CNST: variants seen among roughly 807,000 people sequenced by gnomAD.
The protein encoded by CNST is consortin, connexin sorting protein.
CNST carries 39 observed loss-of-function variants against 72.4 expected under a neutral mutation model. That is an observed-to-expected ratio of 0.54 (90% CI 0.42 to 0.70). The LOEUF (loss-of-function observed/expected upper bound fraction) is 0.70. CNST is among the 30% of genes least tolerant of loss of function. The probability of loss-of-function intolerance (pLI) is 0.00; values close to 1 mark genes in which losing one functional copy is unlikely to be tolerated. For missense variants in CNST, 871 were observed against 868.5 expected, an observed-to-expected ratio of 1.00 and a Z score of -0.04; for synonymous variants, 332 against 320.1, an observed-to-expected ratio of 1.04 and a Z score of -0.40.
intron 8 of CNST, among the ~76,000 whole-genome samples, chr1:246,645,248 T>C (rs906482369): frequency 6.6e-6 from 1 of 151,762 alleles, no homozygotes; most frequent in Non-Finnish European, 1.5e-5. Context: ...TGTCAGTTGG[T>C]GATTAGTATT....
intron 1 of CNST, among the ~76,000 whole-genome samples, chr1:246,571,722 C>G (rs1370680654): frequency 6.6e-6 from 1 of 151,876 alleles, no homozygotes; most frequent in African/African-American, 2.4e-5. Context: ...ACTATGTTGC[C>G]CAGATTAGCC....
intron 6 of CNST, among the ~76,000 whole-genome samples, chr1:246,640,503 A>C (rs1367124792): frequency 6.6e-6 from 1 of 152,220 alleles, no homozygotes; most frequent in Non-Finnish European, 1.5e-5. Context: ...AAAATTCCTT[A>C]TTCAGAGATC....
At chr1:246,651,726 C>T (rs1456012169) in intron 9 of CNST, among the ~76,000 whole-genome samples, 3 of 152,092 alleles carry the variant, frequency 2.0e-5, no homozygotes, top group African/African-American at 7.2e-5. Context: ...TGAAGTATTG[C>T]TATTCTTTCT....
intron 3 of CNST, among the ~76,000 whole-genome samples, chr1:246,622,146 C>A (rs3124077): frequency 0.44 from 66,846 of 152,106 alleles, 16,353 homozygotes; most frequent in Non-Finnish European, 0.54. Flanking sequence ...TTGGCCTTGG[C>A]TAATCCATAG....
intron 1 of CNST, chr1:246,569,991 G>A: frequency 1.2e-5 from 10 of 816,078 alleles, no homozygotes; most frequent in Non-Finnish European, 1.5e-5. Flanking sequence ...TCAGTTTCAG[G>A]TAAGGCTAAG....
chr1:246,576,586 C>T (rs997024117), intron 1 of CNST, among the ~76,000 whole-genome samples: 1 of 151,422 alleles, frequency 6.6e-6, no homozygotes, highest in Non-Finnish European at 1.5e-5. Context: ...ACCTCTGCCT[C>T]CCAGGTTCAA....
At chr1:246,602,033 A>G (rs1337521123) in intron 2 of CNST, among the ~76,000 whole-genome samples, 1 of 152,168 alleles carries the variant, frequency 6.6e-6, no homozygotes, top group Non-Finnish European at 1.5e-5. Flanking sequence ...CACACCACCT[A>G]CTTATAAGAG....
At chr1:246,626,826 A>G (rs1664469778) in intron 3 of CNST, among the ~76,000 whole-genome samples, 1 of 152,012 alleles carries the variant, frequency 6.6e-6, no homozygotes, top group Non-Finnish European at 1.5e-5. Context: ...GGCATTTCAA[A>G]CTTAAGATGT....
intron 2 of CNST, chr1:246,606,375 T>C (rs1662815615): frequency 6.6e-6 from 1 of 152,068 alleles, no homozygotes; most frequent in Non-Finnish European, 1.5e-5. Flanking sequence ...GGGCTACTTT[T>C]CTGATGTTTG....
intron 2 of CNST, among the ~76,000 whole-genome samples, chr1:246,592,386 G>T (rs1461034822): frequency 2.6e-5 from 4 of 152,174 alleles, no homozygotes; most frequent in Non-Finnish European, 4.4e-5. Flanking sequence ...TACTCTGGAG[G>T]CTGAGGCAGG....
At chr1:246,577,554 G>C (rs866076516) in intron 1 of CNST, among the ~76,000 whole-genome samples, 8 of 152,086 alleles carry the variant, frequency 5.3e-5, no homozygotes, top group Middle Eastern at 3.4e-3. Flanking sequence ...AAAAATTTCG[G>C]TAAAGGTGGT....
At chr1:246,607,701 C>T (rs931289607) in intron 2 of CNST, 2 of 152,230 alleles carry the variant, frequency 1.3e-5, no homozygotes, top group Admixed American at 1.3e-4. Context: ...CAGCCCTCTT[C>T]CTGCTTCGGC....
intron 10 of CNST, among the ~76,000 whole-genome samples, chr1:246,664,753 G>A (rs944632921): frequency 2.0e-5 from 3 of 152,116 alleles, no homozygotes; most frequent in Non-Finnish European, 4.4e-5. Context: ...TCTCAAAATT[G>A]TCCAGTCTGT....
chr1:246,636,601 A>G (rs1321183330), intron 6 of CNST, among the ~76,000 whole-genome samples: 1 of 152,098 alleles, frequency 6.6e-6, no homozygotes, highest in Non-Finnish European at 1.5e-5. Context: ...TGGTTTTGAG[A>G]CTTTTGCTTT....
chr1:246,614,002 G>A lies in CNST; in HGVS notation c.380-7427G>A, dbSNP rs1026921191. 5.3e-5 allele frequency among the ~76,000 whole-genome samples: 8 copies of A among 152,020 alleles called. No homozygotes were observed. In the East Asian group the frequency reaches 1.6e-3, roughly 30 times the overall value. On this transcript the variant is annotated intron_variant, in intron 2 of 10. Coordinates refer to ENST00000366513, the MANE Select transcript of CNST (RefSeq NM_152609.3). ...AGCCACTGCACTTGGCCTGTGTGAG[G>A]TCTTTAAATAACCCTTCCCTATCCT...
Position 246,647,898 on chromosome 1 carries a change from A to C in CNST, c.1697A>C (p.Glu566Ala). Reference sequence around the variant, plus strand: ...GATACTGAAGATTCCCTTTCCTATGAAGATAACCAAGACGACGACTCCGAT... The same window carrying C: ...GATACTGAAGATTCCCTTTCCTATGCAGATAACCAAGACGACGACTCCGAT... ...LKDTEDSLSY[E>A]DNQDDDSDLL... is the part of the protein sequence containing the mutation. Residue 566 changes from glutamate to alanine, a missense_variant, in exon 9 of 11, where the codon GAA becomes GCA. Coordinates refer to ENST00000366513, the MANE Select transcript of CNST (RefSeq NM_152609.3). 6.2e-7 allele frequency: 1 copy of C among 1,614,046 alleles called. No individual in the cohort carries two copies. The highest frequency in any genetic ancestry group is 8.5e-7 in the Non-Finnish European group (1 of 1,180,046).
intron 9 of CNST, among the ~76,000 whole-genome samples, chr1:246,649,163 T>G (rs1191595538): frequency 2.3e-4 from 3 of 12,988 alleles, no homozygotes; most frequent in Non-Finnish European, 6.9e-4. Flanking sequence ...GTTGTTTTGT[T>G]TTTTTTTTTT....
In CNST at chr1:246,634,501, T is replaced by C; in HGVS notation, c.732T>C (p.His244=). ...WETKWKTVQP[H]TVTALRNSEK... is the part of the protein sequence containing the mutation. ...CAAAATGGAAAACTGTGCAACCACA[T>C]ACAGTTACGGCTCTAAGGAATTCAG... The change falls in exon 6 of 11, where the codon CAT becomes CAC. Residue 244 remains histidine, a synonymous_variant. Coordinates refer to ENST00000366513, the MANE Select transcript of CNST (RefSeq NM_152609.3). 2 of 1,599,918 alleles carry C rather than the reference T, an allele frequency of 1.3e-6. No homozygotes were observed. The highest frequency in any genetic ancestry group is 1.1e-5 in the South Asian group (1 of 87,736).
At chr1:246,572,390 G>T (rs1660118983) in intron 1 of CNST, among the ~76,000 whole-genome samples, 1 of 152,112 alleles carries the variant, frequency 6.6e-6, no homozygotes, top group African/African-American at 2.4e-5. Flanking sequence ...TGTATGCATT[G>T]TCCTTGTTCA....
Sources: gnomAD v4.1 joint callset for allele counts (sites outside exome capture counted in the v4.1 genomes callset) on GRCh38, gnomAD v4.1.1 for gene constraint, MANE v1.5 for transcripts, NCBI Gene and HGNC (gene_info 2026-07-23, HGNC 2026-07-21) for gene names.